EHBP1: variants seen among roughly 807,000 people sequenced by gnomAD.
EHBP1 encodes EH domain-binding protein 1.
A neutral mutation model predicts 144.0 loss-of-function variants in EHBP1; 55 were observed. The ratio of observed to expected loss-of-function variants is 0.38; its 90% CI spans 0.31 to 0.48. EHBP1 has a LOEUF of 0.48. Among genes scored for constraint, EHBP1 ranks in the 20% least tolerant of loss-of-function variants. The pLI, the probability that EHBP1 is intolerant of heterozygous loss-of-function variation, is 0.98. For synonymous variants in EHBP1, 469 were observed against 472.7 expected (o/e 0.99, Z 0.10); for missense variants, 1,200 against 1,364.2 (o/e 0.88, Z 1.90).
chr2:62,918,059 G>T (rs1439694627), intron 10 of EHBP1, among the ~76,000 whole-genome samples: 2 of 152,050 alleles, frequency 1.3e-5, no homozygotes, highest in African/African-American at 4.8e-5. Flanking sequence ...ACCACACCCG[G>T]CTAATTTTTC....
At position 62,888,342 on chromosome 2, in the gene EHBP1, A is replaced by T. The variant is rs114947992; in HGVS notation, c.1185+13810A>T. On this transcript the variant is annotated intron_variant, in intron 10 of 22. Transcript: ENST00000431489. ...AATACCCCTAAAAGTTTGCCTCTTG[A>T]TTTTTCTCACTGTGTTCAATGGGAA... Among the ~76,000 whole-genome samples the T allele has an allele frequency of 1.5e-3, 222 of 152,280 alleles. 1 individual carries two copies. Among genetic ancestry groups the T allele is most frequent in the African/African-American group, 5.0e-3 (206 of 41,568 alleles).
At chr2:62,883,735 A>G (rs943515686) in intron 10 of EHBP1, among the ~76,000 whole-genome samples, 3 of 152,172 alleles carry the variant, frequency 2.0e-5, no homozygotes, top group African/African-American at 7.2e-5. Flanking sequence ...AGGCCGAGGC[A>G]GGAGGATTGC....
intron 10 of EHBP1, among the ~76,000 whole-genome samples, chr2:62,937,429 G>A (rs931390383): frequency 1.8e-4 from 27 of 152,232 alleles, no homozygotes; most frequent in South Asian, 6.2e-4. Context: ...GGCATAATAG[G>A]TGCTCAGTAT....
chr2:62,744,314 A>G (rs1201442246), intron 2 of EHBP1, among the ~76,000 whole-genome samples: 1 of 152,094 alleles, frequency 6.6e-6, no homozygotes, highest in East Asian at 1.9e-4. Context: ...AGGAAGTTGT[A>G]TAATTGTAGG....
intron 10 of EHBP1, among the ~76,000 whole-genome samples, chr2:62,913,554 A>G (rs772860640): frequency 3.3e-5 from 5 of 152,216 alleles, no homozygotes; most frequent in African/African-American, 4.8e-5. Context: ...ACAGTTTCCA[A>G]CTGTTGTGTA....
upstream of EHBP1, among the ~76,000 whole-genome samples, chr2:62,702,535 A>G (rs2034308925): frequency 6.6e-6 from 1 of 152,204 alleles, no homozygotes; most frequent in Admixed American, 6.5e-5. Context: ...CTCAGCTAAT[A>G]TATGACATAA....
intron 11 of EHBP1, among the ~76,000 whole-genome samples, chr2:62,943,184 C>G (rs1407118855): frequency 1.3e-5 from 2 of 152,044 alleles, no homozygotes; most frequent in African/African-American, 4.8e-5. Flanking sequence ...TGAGACCAGC[C>G]TGACCAACAT....
chr2:62,914,206 G>A (rs1319334343), intron 10 of EHBP1, among the ~76,000 whole-genome samples: 5 of 152,036 alleles, frequency 3.3e-5, no homozygotes, highest in African/African-American at 9.7e-5. Flanking sequence ...CTTATGCCCT[G>A]GTCAGTGTAT....
chr2:62,821,213 A>T (rs1343437063), intron 5 of EHBP1, among the ~76,000 whole-genome samples: 1 of 152,138 alleles, frequency 6.6e-6, no homozygotes, highest in Admixed American at 6.5e-5. Flanking sequence ...CATTTCTATC[A>T]TGTGGTTTAT....
chr2:62,950,977 G>T (rs944842417), intron 13 of EHBP1, among the ~76,000 whole-genome samples: 3 of 152,122 alleles, frequency 2.0e-5, no homozygotes, highest in African/African-American at 4.8e-5. Flanking sequence ...GAGCCACCGC[G>T]CCCGGCCCGA....
chr2:62,963,027 G>C (rs1321973173), intron 14 of EHBP1, among the ~76,000 whole-genome samples: 2 of 152,228 alleles, frequency 1.3e-5, no homozygotes, highest in Non-Finnish European at 2.9e-5. Flanking sequence ...AAGGTTTGCA[G>C]TATCCATCTT....
chr2:62,691,884 G>A (rs563368033), intron 1 of EHBP1, among the ~76,000 whole-genome samples: 9 of 152,140 alleles, frequency 5.9e-5, no homozygotes, highest in Admixed American at 2.0e-4. Context: ...TTTCTATATC[G>A]TTTTATTTTT....
At chr2:63,044,983 C>T in intron 21 of EHBP1, 83 bp from the exon 22 acceptor site, 1 of 1,000,878 alleles carries the variant, frequency 1.0e-6, no homozygotes, top group Non-Finnish European at 1.5e-6. Flanking sequence ...TATAAGGAAA[C>T]TGGAAAAGGC....
intron 18 of EHBP1, among the ~76,000 whole-genome samples, chr2:62,996,305 G>A (rs569389510): frequency 6.6e-5 from 10 of 152,102 alleles, no homozygotes; most frequent in Non-Finnish European, 1.0e-4. Flanking sequence ...AATCACAAAG[G>A]GGAAAATTAT....
At chr2:62,943,981 GC>G in intron 12 of EHBP1, 131 bp downstream of exon 12, 1 of 576,078 alleles carries the variant, frequency 1.7e-6, no homozygotes. Flanking sequence ...TCTGCTTACT[GC>G]GGTTCATTAG....
chr2:62,962,256 G>A (rs1161947192), intron 14 of EHBP1, among the ~76,000 whole-genome samples: 1 of 152,142 alleles, frequency 6.6e-6, no homozygotes, highest in Non-Finnish European at 1.5e-5. Flanking sequence ...AACCCAGGAG[G>A]CAGAGGTTGC....
intron 10 of EHBP1, among the ~76,000 whole-genome samples, chr2:62,887,575 A>G (rs868605020): frequency 6.8e-6 from 1 of 147,866 alleles, no homozygotes; most frequent in Admixed American, 6.8e-5. Context: ...GGTCTCCACA[A>G]AAAAAAAAAA....
At chr2:62,909,659 A>T (rs1370149025) in intron 10 of EHBP1, among the ~76,000 whole-genome samples, 1 of 152,232 alleles carries the variant, frequency 6.6e-6, no homozygotes, top group Non-Finnish European at 1.5e-5. Context: ...CTGGTTCCCC[A>T]GCTGTATCAG....
intron 13 of EHBP1, among the ~76,000 whole-genome samples, chr2:62,950,674 A>C (rs935934762): frequency 4.6e-5 from 7 of 151,862 alleles, no homozygotes; most frequent in African/African-American, 9.7e-5. Flanking sequence ...AAAATTGGGA[A>C]ATCTCTGAGT....
Sources: allele counts gnomAD v4.1 joint callset (sites outside exome capture counted in the v4.1 genomes callset), GRCh38; gene constraint gnomAD v4.1.1; transcripts MANE v1.5; gene names NCBI Gene and HGNC (gene_info 2026-07-23, HGNC 2026-07-21).